Variants in CPLANE1 observed in about 807,000 individuals in gnomAD.
CPLANE1 encodes ciliogenesis and planar polarity effector 1.
Under a neutral mutation model 362.5 loss-of-function variants are expected in CPLANE1, and 263 were observed. The ratio of observed to expected loss-of-function variants is 0.73; its 90% CI spans 0.66 to 0.80. The LOEUF (loss-of-function observed/expected upper bound fraction) is 0.80, where lower values mean the gene tolerates loss of function less well. Among genes scored for constraint, CPLANE1 ranks in the 30% least tolerant of loss-of-function variants. The pLI is 0.00. For synonymous variants in CPLANE1, 1,212 were observed against 1,302.6 expected, an observed-to-expected ratio of 0.93 and a Z score of 1.50; for missense variants, 3,461 against 3,793.4, an observed-to-expected ratio of 0.91 and a Z score of 2.30.
At chr5:37,080,085 G>A in the CPLANE1 span, among the ~76,000 whole-genome samples, 7 of 152,186 alleles carry the variant, frequency 4.6e-5, no homozygotes, top group Non-Finnish European at 8.8e-5. Context: ...TACCTCCTAG[G>A]ATTGTCAGCT....
intron 18 of CPLANE1, among the ~76,000 whole-genome samples, chr5:37,203,737 C>T (rs774309016): frequency 3.2e-4 from 49 of 152,112 alleles, no homozygotes; most frequent in Non-Finnish European, 5.7e-4. Flanking sequence ...AAGCTGGTCT[C>T]GAACTCCTGG....
rs183546768 is a variant in CPLANE1, at chr5:37,112,587, C to T, written c.9400+2373G>A. Among the ~76,000 whole-genome samples the T allele has an allele frequency of 3.9e-4, 60 of 152,326 alleles. No individual in the cohort carries two copies. The East Asian group carries it at 0.011, about 28-fold the overall frequency. On this transcript the variant is annotated intron_variant, in intron 51 of 52. Transcript: ENST00000651892. ...GAAAGGAAGTACTCTTTCTCTAGGA[C>T]GGTGGGCACTGACACTCAGTTTCTT...
rs1334759810 is a variant in CPLANE1 at position 37,230,972 on chromosome 5, AC to A, written c.1015del (p.Val339PhefsTer3). 1.3e-6 allele frequency: 2 copies of A among 1,551,280 alleles called. No individual in the cohort carries two copies. The highest frequency in any genetic ancestry group is 2.4e-5 in the East Asian group (1 of 40,888). ...CAATTCACCTTGGCAGGTCAATAAA[AC>A]CAGAGAGCCACGTTTTAACATACAA... is the stretch of plus-strand genomic sequence containing the variant. Reference protein sequence around the residue: ...LACMLKRGSLVLLTCQGELLT... With the variant: ...LACMLKRGSLXLLTCQGELLT... On this transcript the variant is annotated frameshift_variant, in exon 9 of 53. Coordinates refer to ENST00000651892, the MANE Select transcript of CPLANE1 (RefSeq NM_001384732.1).
In CPLANE1 at chr5:37,206,222, A is replaced by G; in HGVS notation, c.3124T>C (p.Cys1042Arg). 2 of 1,551,816 alleles carry G rather than the reference A, an allele frequency of 1.3e-6. No individual in the cohort carries two copies. The highest frequency in any genetic ancestry group is 8.7e-7 in the Non-Finnish European group (1 of 1,146,902). The change falls in exon 17 of 53, where the codon TGT becomes CGT. Residue 1042 changes from cysteine to arginine, a missense_variant. Cys to Arg is a radical substitution (Grantham distance 180, BLOSUM62 -3). Transcript: ENST00000651892. ...CTCATGAAATTGCTATCACGTTTAC[A>G]GAACAGCTGGAAAGCCACACCAATT... ...VSIGVAFQLF[C>R]KRDSNFMRSK...
At chr5:37,244,897 G>A (rs560906097) in intron 4 of CPLANE1, among the ~76,000 whole-genome samples, 22 of 151,828 alleles carry the variant, frequency 1.4e-4, no homozygotes, top group Non-Finnish European at 2.2e-4. Flanking sequence ...ACAAGATCCT[G>A]TCTCTAAAAA....
chr5:37,145,022 G>C (rs562529020), intron 43 of CPLANE1, among the ~76,000 whole-genome samples: 32 of 149,092 alleles, frequency 2.1e-4, no homozygotes, highest in African/African-American at 7.9e-4. Context: ...ACAGTTATCA[G>C]AGGCCGGGCG....
intron 15 of CPLANE1, among the ~76,000 whole-genome samples, chr5:37,215,201 C>T (rs957187514): frequency 6.6e-6 from 1 of 152,062 alleles, no homozygotes; most frequent in Non-Finnish European, 1.5e-5. Context: ...AGGCACGTGC[C>T]ACCACGCCCG....
intron 51 of CPLANE1, among the ~76,000 whole-genome samples, chr5:37,110,100 G>T (rs1056592284): frequency 1.3e-5 from 2 of 151,634 alleles, no homozygotes; most frequent in East Asian, 1.9e-4. Flanking sequence ...CTTGTATGCC[G>T]TCTTCTGTTC....
chr5:37,170,359 A>G, intron 32 of CPLANE1, 28 bp from the exon 33 acceptor site: 3 of 1,579,876 alleles, frequency 1.9e-6, no homozygotes, highest in South Asian at 1.2e-5. Flanking sequence ...TTGAAGCGAT[A>G]TCTTAAAATA....
the CPLANE1 span, among the ~76,000 whole-genome samples, chr5:37,096,477 C>T: frequency 1.8e-4 from 27 of 152,072 alleles, no homozygotes; most frequent in African/African-American, 6.3e-4. Flanking sequence ...TGGAAAACCC[C>T]TTCTAGAGAT....
intron 49 of CPLANE1, among the ~76,000 whole-genome samples, chr5:37,121,359 A>ATTTGGTATC (rs1762578286): frequency 6.6e-6 from 1 of 152,220 alleles, no homozygotes; most frequent in Non-Finnish European, 1.5e-5. Context: ...GACTGCACAG[A>ATTTGGTATC]TACCAAATTT....
rs1777100653 is a variant in CPLANE1, at chr5:37,162,532, C to T, written c.7623G>A (p.Leu2541=). The T allele has an allele frequency of 6.2e-7, 1 of 1,612,330 alleles. No homozygotes were observed. Among genetic ancestry groups the T allele is most frequent in the Non-Finnish European group, 8.5e-7 (1 of 1,178,756 alleles). The part of the protein sequence containing the change: ...MLQDDNTSAG[L]HFMASVKKKA... ...TCTTTTTTACAGAGGCCATGAAATG[C>T]AATCCAGCTGAAGTATTATCATCTT... Residue 2541 remains leucine, a synonymous_variant, in exon 38 of 53, where the codon TTG becomes TTA. Coordinates refer to ENST00000651892, the MANE Select transcript of CPLANE1 (RefSeq NM_001384732.1).
At chr5:37,143,122 A>C (rs982505154) in intron 43 of CPLANE1, among the ~76,000 whole-genome samples, 8 of 152,262 alleles carry the variant, frequency 5.3e-5, no homozygotes, top group Non-Finnish European at 1.2e-4. Context: ...AAAGTACAGC[A>C]ACCCCAAGTG....
chr5:37,177,222 T>C (rs901141294), intron 30 of CPLANE1, among the ~76,000 whole-genome samples: 1 of 152,230 alleles, frequency 6.6e-6, no homozygotes, highest in African/African-American at 2.4e-5. Flanking sequence ...TAATGAATAG[T>C]GTATAGTAAT....
chr5:37,206,108 C>A, intron 17 of CPLANE1, 89 bp downstream of exon 17: 1 of 896,280 alleles, frequency 1.1e-6, no homozygotes, highest in Non-Finnish European at 1.7e-6. Context: ...ACTAAGGATT[C>A]CACATAAAAT....
At chr5:37,211,596 A>G (rs368750056) in intron 16 of CPLANE1, 2 of 922,200 alleles carry the variant, frequency 2.2e-6, no homozygotes, top group Non-Finnish European at 3.6e-6. Context: ...AAAAGCAAAA[A>G]GAAGCCTTGA....
chr5:37,185,607 G>T (rs1458183989), intron 24 of CPLANE1, among the ~76,000 whole-genome samples: 3 of 151,928 alleles, frequency 2.0e-5, no homozygotes, highest in Non-Finnish European at 4.4e-5. Context: ...TCAAAAAAAA[G>T]TATTAAGAAA....
Position 37,209,679 on chromosome 5 carries a change from T to TGCAGGA in CPLANE1, c.2921-3255_2921-3254insTCCTGC. On this transcript the variant is annotated intron_variant, in intron 16 of 52. Coordinates refer to ENST00000651892, the MANE Select transcript of CPLANE1 (RefSeq NM_001384732.1). The surrounding 1 kb of genome is among the most constrained non-coding windows in gnomAD (Gnocchi z 4.6). ...AAGTGGTTTGGCAAAAGAAAAGGTA[T>TGCAGGA]TTACTATGCAGGATCTATTACAACT... 1 of 1,306,912 alleles carries TGCAGGA rather than the reference T, an allele frequency of 7.7e-7. No homozygotes were observed. Among genetic ancestry groups the TGCAGGA allele is most frequent in the Admixed American group, 1.7e-5 (1 of 59,424 alleles). 81.0% of individuals were successfully genotyped at this position (1,306,912 alleles called of 1,614,324 possible). A position where few individuals can be genotyped will look rare whatever the true frequency, so the allele number is the denominator to read the frequency against.
At chr5:37,131,859 A>G (rs1346374915) in intron 46 of CPLANE1, among the ~76,000 whole-genome samples, 1 of 152,006 alleles carries the variant, frequency 6.6e-6, no homozygotes, top group Non-Finnish European at 1.5e-5. Flanking sequence ...AGGTTTTGCT[A>G]CATTGCCCAG....
Sources: allele counts gnomAD v4.1 joint callset (sites outside exome capture counted in the v4.1 genomes callset), GRCh38; gene constraint gnomAD v4.1.1; non-coding constraint Gnocchi (gnomAD v3.1); transcripts MANE v1.5; gene names NCBI Gene and HGNC (gene_info 2026-07-23, HGNC 2026-07-21).